Variants in FSTL5 observed in about 807,000 individuals in gnomAD.
The protein encoded by FSTL5 is follistatin-related protein 5.
A neutral mutation model predicts 89.1 loss-of-function variants in FSTL5; 62 were observed. The observed-to-expected ratio is 0.70, with a 90% CI of 0.57 to 0.86. The LOEUF is 0.86. FSTL5 is among the 40% of genes least tolerant of loss of function. The pLI, the probability that FSTL5 is intolerant of heterozygous loss-of-function variation, is 0.00. For missense variants in FSTL5, 1,057 were observed against 1,001.6 expected (o/e 1.06, Z -0.75); for synonymous variants, 383 against 346.2 (o/e 1.11, Z -1.18).
intron 3 of FSTL5, among the ~76,000 whole-genome samples, chr4:161,925,322 C>T (rs1734093237): frequency 6.6e-6 from 1 of 151,852 alleles, no homozygotes; most frequent in South Asian, 2.1e-4. Flanking sequence ...TTGACTTTGA[C>T]TTTCTAAATT....
intron 2 of FSTL5, chr4:162,035,349 A>G (rs1737694657): frequency 6.6e-6 from 1 of 152,120 alleles, no homozygotes; most frequent in Admixed American, 6.6e-5. Flanking sequence ...GACTGAAATT[A>G]TACATGTAGC....
chr4:161,862,493 G>A (rs751051460), intron 4 of FSTL5, among the ~76,000 whole-genome samples: 2 of 152,146 alleles, frequency 1.3e-5, no homozygotes, highest in Non-Finnish European at 1.5e-5. Context: ...CTAGCACTTT[G>A]GGAGGCTGAG....
At chr4:161,540,175 C>T (rs572628985) in intron 9 of FSTL5, among the ~76,000 whole-genome samples, 1 of 152,242 alleles carries the variant, frequency 6.6e-6, no homozygotes, top group South Asian at 2.1e-4. Flanking sequence ...CTAGAATAAG[C>T]TAACCCATCT....
intron 8 of FSTL5, among the ~76,000 whole-genome samples, chr4:161,556,902 C>G (rs1368714323): frequency 6.8e-6 from 1 of 147,726 alleles, no homozygotes; most frequent in Non-Finnish European, 1.5e-5. Flanking sequence ...GAAGTAATTT[C>G]TTTAGAAACT....
intron 1 of FSTL5, among the ~76,000 whole-genome samples, chr4:162,154,492 T>G (rs779051070): frequency 2.6e-5 from 4 of 152,164 alleles, no homozygotes; most frequent in African/African-American, 9.6e-5. Flanking sequence ...ATAATTACTA[T>G]GTTATCTATA....
intron 8 of FSTL5, among the ~76,000 whole-genome samples, chr4:161,575,034 G>A (rs998609695): frequency 2.6e-5 from 4 of 151,962 alleles, no homozygotes; most frequent in Non-Finnish European, 5.9e-5. Flanking sequence ...TTTAATAATC[G>A]CCATTCTGAC....
intron 7 of FSTL5, among the ~76,000 whole-genome samples, chr4:161,653,530 C>T (rs1736410358): frequency 6.6e-6 from 1 of 151,918 alleles, no homozygotes; most frequent in South Asian, 2.1e-4. Flanking sequence ...GTAAGAATTG[C>T]CATAACATTG....
intron 6 of FSTL5, among the ~76,000 whole-genome samples, chr4:161,749,812 T>A (rs1740332912): frequency 6.6e-6 from 1 of 150,488 alleles, no homozygotes; most frequent in Non-Finnish European, 1.5e-5. Context: ...AAAATAAAAA[T>A]AAATAAATAA....
intron 4 of FSTL5, among the ~76,000 whole-genome samples, chr4:161,780,545 T>G (rs917700014): frequency 6.6e-6 from 1 of 152,304 alleles, no homozygotes; most frequent in Admixed American, 6.5e-5. Context: ...TTGGTAACTG[T>G]AGATTATCTT....
At chr4:161,820,444 AT>A (rs1193496735) in intron 4 of FSTL5, among the ~76,000 whole-genome samples, 1 of 152,196 alleles carries the variant, frequency 6.6e-6, no homozygotes, top group East Asian at 1.9e-4. Flanking sequence ...ACATATACTA[AT>A]TTTAATTGAA....
At chr4:161,539,940 G>T in intron 9 of FSTL5, among the ~76,000 whole-genome samples, 2 of 140,790 alleles carry the variant, frequency 1.4e-5, no homozygotes. Flanking sequence ...ACACTTAACA[G>T]CTTAAATTCT....
At chr4:161,700,712 C>T (rs1738360300) in intron 6 of FSTL5, among the ~76,000 whole-genome samples, 1 of 152,026 alleles carries the variant, frequency 6.6e-6, no homozygotes, top group African/African-American at 2.4e-5. Flanking sequence ...CAGAAACTGA[C>T]AATCTGCTAA....
chr4:161,857,041 C>T (rs1215277108), intron 4 of FSTL5, among the ~76,000 whole-genome samples: 2 of 152,076 alleles, frequency 1.3e-5, no homozygotes, highest in Non-Finnish European at 2.9e-5. Flanking sequence ...TTGTGTGAAG[C>T]TTGGAATTTA....
Position 161,927,607 on chromosome 4 carries a change from C to T in FSTL5, c.161-6955G>A, listed in dbSNP as rs184562538. Among the ~76,000 whole-genome samples, 1,023 of 151,600 alleles carry T rather than the reference C, an allele frequency of 6.7e-3. 8 individuals carry two copies. Among genetic ancestry groups the T allele is most frequent in the Non-Finnish European group, 0.011 (742 of 67,726 alleles). On this transcript the variant is annotated intron_variant, in intron 3 of 15. Transcript: ENST00000306100. ...TTTTAAGTTTTAACTTTAAAATCAA[C>T]GCTAGTAAATTATCTTTTTACAATA...
rs1736861698 is a variant in FSTL5, at chr4:162,014,548, G to A, written c.160+19077C>T. 2.0e-5 allele frequency among the ~76,000 whole-genome samples: 3 copies of A among 151,030 alleles called. No homozygotes were observed. In the South Asian group the frequency reaches 6.3e-4, roughly 32 times the overall value. On this transcript the variant is annotated intron_variant, in intron 3 of 15. Coordinates refer to ENST00000306100, the MANE Select transcript of FSTL5 (RefSeq NM_020116.5). ...CCTGTGCCTTGAGTTAGATAAATTT[G>A]TGGAACTAAGACCATAAAAGAAAGC...
chr4:162,146,138 G>A (rs1732976811), intron 1 of FSTL5, among the ~76,000 whole-genome samples: 2 of 152,028 alleles, frequency 1.3e-5, no homozygotes, highest in South Asian at 4.1e-4. Flanking sequence ...GGAACCTAAA[G>A]CTTAACCAAT....
In FSTL5 at chr4:162,085,726, T is replaced by C. The variant is rs77173728; in HGVS notation, c.126+25545A>G. Among the ~76,000 whole-genome samples the C allele has an allele frequency of 5.0e-3, 765 of 152,224 alleles. 15 individuals carry two copies. The highest frequency in any genetic ancestry group is 0.039 in the East Asian group (203 of 5,162). On this transcript the variant is annotated intron_variant, in intron 2 of 15. Transcript: ENST00000306100. Reference sequence around the variant, plus strand: ...ATGGACTGGGACACCCACAATTCATTTCCTCGTCATGGTAGCCCTGCCATT... The same window carrying C: ...ATGGACTGGGACACCCACAATTCATCTCCTCGTCATGGTAGCCCTGCCATT...
intron 1 of FSTL5, among the ~76,000 whole-genome samples, chr4:162,140,633 G>C (rs1194773634): frequency 6.6e-6 from 1 of 151,994 alleles, no homozygotes; most frequent in African/African-American, 2.4e-5. Flanking sequence ...GGTTTCATAA[G>C]ATCATTCAGA....
chr4:162,079,153 A>G (rs1192790579), intron 2 of FSTL5, among the ~76,000 whole-genome samples: 2 of 151,748 alleles, frequency 1.3e-5, no homozygotes, highest in South Asian at 2.1e-4. Context: ...CTTTTCTCCT[A>G]TGGGTTTACA....
Sources: allele counts gnomAD v4.1 joint callset (sites outside exome capture counted in the v4.1 genomes callset), GRCh38; gene constraint gnomAD v4.1.1; transcripts MANE v1.5; gene names NCBI Gene and HGNC (gene_info 2026-07-23, HGNC 2026-07-21).